The following LETM1 variants were observed in gnomAD, a reference collection of about 807,000 sequenced individuals.
LETM1 encodes the protein leucine zipper and EF-hand containing transmembrane protein 1, also known as mitochondrial proton/calcium exchanger protein.
LETM1 carries 50 observed loss-of-function variants against 74.5 expected under a neutral mutation model. That is an observed-to-expected ratio of 0.67 (90% CI 0.53 to 0.85). The LOEUF (loss-of-function observed/expected upper bound fraction) is 0.85, where lower values mean the gene tolerates loss of function less well. Ranked by LOEUF, LETM1 falls within the 40% of genes least tolerant of loss-of-function variation. The pLI, the probability that LETM1 is intolerant of heterozygous loss-of-function variation, is 0.00. For missense variants in LETM1, 824 were observed against 967.8 expected (o/e 0.85, Z 1.97); for synonymous variants, 446 against 407.1 (o/e 1.10, Z -1.15).
intron 1 of LETM1, among the ~76,000 whole-genome samples, chr4:1,855,244 G>C (rs1325132757): frequency 6.6e-6 from 1 of 152,212 alleles, no homozygotes; most frequent in African/African-American, 2.4e-5. Flanking sequence ...GTTAATTAGA[G>C]AGAGAGAGGA....
intron 11 of LETM1, among the ~76,000 whole-genome samples, chr4:1,818,977 G>C (rs566448601): frequency 6.6e-6 from 1 of 151,578 alleles, no homozygotes; most frequent in African/African-American, 2.4e-5. Flanking sequence ...TCATCCACTC[G>C]GGAGGCTGAG....
At chr4:1,815,071 T>G (rs974656069) in intron 13 of LETM1, among the ~76,000 whole-genome samples, 7 of 152,212 alleles carry the variant, frequency 4.6e-5, no homozygotes, top group Middle Eastern at 3.2e-3. Flanking sequence ...CGAGGCAGCT[T>G]CCCCTCAGAG....
chr4:1,849,416 C>T (rs544790072), intron 1 of LETM1, among the ~76,000 whole-genome samples: 1 of 152,188 alleles, frequency 6.6e-6, no homozygotes, highest in African/African-American at 2.4e-5. Flanking sequence ...AGGTGCCCAC[C>T]ACCATGCCCA....
At chr4:1,839,318 C>T (rs1219119488) in intron 3 of LETM1, 1 of 152,200 alleles carries the variant, frequency 6.6e-6, no homozygotes, top group Non-Finnish European at 1.5e-5. Context: ...ACGCGCAGCC[C>T]CTCCAGACAG....
intron 2 of LETM1, among the ~76,000 whole-genome samples, chr4:1,844,096 G>C (rs1474896259): frequency 6.6e-6 from 1 of 152,234 alleles, no homozygotes; most frequent in East Asian, 1.9e-4. Context: ...GACAGGCAAA[G>C]ACGAAGACTC....
rs545140089 is a variant in LETM1 at position 1,848,731 on chromosome 4, A to G, written c.143+418T>C. Among the ~76,000 whole-genome samples the G allele has an allele frequency of 2.7e-3, 410 of 150,730 alleles. 2 individuals are homozygous for G. The highest frequency in any genetic ancestry group is 9.3e-3 in the African/African-American group (384 of 41,168). Reference sequence around the variant, plus strand: ...GCTCTGTCTCAAAAAAAAAAAAAAAAAAAAAGAAAAAAAAAAAGTCGCAGT... The same window carrying G: ...GCTCTGTCTCAAAAAAAAAAAAAAAGAAAAAGAAAAAAAAAAAGTCGCAGT... On this transcript the variant is annotated intron_variant, in intron 2 of 13. Coordinates refer to ENST00000302787, the MANE Select transcript of LETM1 (RefSeq NM_012318.3).
intron 2 of LETM1, among the ~76,000 whole-genome samples, chr4:1,845,425 G>C (rs930380988): frequency 6.6e-6 from 1 of 152,120 alleles, no homozygotes; most frequent in Non-Finnish European, 1.5e-5. Context: ...GGCCAATGTG[G>C]TGAAAACTTT....
chr4:1,821,843 T>C (rs1711786978), intron 10 of LETM1, among the ~76,000 whole-genome samples: 1 of 152,158 alleles, frequency 6.6e-6, no homozygotes, highest in Non-Finnish European at 1.5e-5. Flanking sequence ...CACATTGGCT[T>C]CCACACCCCT....
chr4:1,814,356 G>A lies in LETM1; in HGVS notation c.*68C>T. 6.2e-7 allele frequency: 1 copy of A among 1,608,926 alleles called. No individual in the cohort carries two copies. The highest frequency in any genetic ancestry group is 8.5e-7 in the Non-Finnish European group (1 of 1,176,274). On this transcript the variant is annotated 3_prime_UTR_variant, in exon 14 of 14. Transcript: ENST00000302787. The stretch of plus-strand genomic sequence containing the variant: ...ATGAGCCACTGAGAATCACCACAAA[G>A]CAATCGCCCTCACGGCCCTTGCCAG...
At chr4:1,842,372 C>T (rs950901144) in intron 2 of LETM1, among the ~76,000 whole-genome samples, 4 of 152,216 alleles carry the variant, frequency 2.6e-5, no homozygotes, top group Non-Finnish European at 4.4e-5. Flanking sequence ...CCATCTCCTC[C>T]TCCTCTACCC....
Position 1,836,381 on chromosome 4 carries a change from T to C in LETM1, c.738+48A>G. ...GTCACAAACAAGGAAGCCATCACAA[T>C]GAATTTCAGACTCATTCTAAAACAA... On this transcript the variant is annotated intron_variant, in intron 4 of 13. Transcript: ENST00000302787. This position sits in a 1 kb window ranked among gnomAD's most constrained non-coding sequence, Gnocchi z 5.8. The C allele has an allele frequency of 6.3e-7, 1 of 1,595,364 alleles. No homozygotes were observed. The highest frequency in any genetic ancestry group is 8.6e-7 in the Non-Finnish European group (1 of 1,164,942).
chr4:1,835,216 G>T (rs1375137631), intron 4 of LETM1, among the ~76,000 whole-genome samples: 1 of 152,168 alleles, frequency 6.6e-6, no homozygotes, highest in Non-Finnish European at 1.5e-5. Context: ...AGGCCAAGGT[G>T]GGTGGATCAC....
At position 1,825,641 on chromosome 4, in the gene LETM1, G is replaced by C. The variant is rs749142541; in HGVS notation, c.1123C>G (p.Leu375Val). 6.2e-7 allele frequency: 1 copy of C among 1,614,036 alleles called. No individual in the cohort carries two copies. The highest frequency in any genetic ancestry group is 8.5e-7 in the Non-Finnish European group (1 of 1,179,946). ...CCTCGTGCCCGACACGCTGCCTGCA[G>C]CTCCTTGACATTCAGGCTGTCCACC... ...EGVDSLNVKELQAACRARGMR... is the reference protein window; with the variant it reads ...EGVDSLNVKEVQAACRARGMR... Residue 375 changes from leucine to valine, a missense_variant, in exon 7 of 14, where the codon CTG (leucine) becomes GTG (valine). Coordinates refer to ENST00000302787, the MANE Select transcript of LETM1 (RefSeq NM_012318.3).
At chr4:1,829,637 G>A (rs1028014659) in intron 6 of LETM1, among the ~76,000 whole-genome samples, 1 of 152,190 alleles carries the variant, frequency 6.6e-6, no homozygotes, top group Non-Finnish European at 1.5e-5. Context: ...CAGCCTAATA[G>A]TAAGACCTCA....
At chr4:1,847,723 C>A (rs1423090160) in intron 2 of LETM1, among the ~76,000 whole-genome samples, 1 of 150,406 alleles carries the variant, frequency 6.6e-6, no homozygotes, top group East Asian at 2.0e-4. Flanking sequence ...ACTAGGGAGG[C>A]TGAGGCAGGA....
intron 1 of LETM1, among the ~76,000 whole-genome samples, chr4:1,853,037 C>G (rs1303088972): frequency 6.6e-6 from 1 of 152,192 alleles, no homozygotes; most frequent in African/African-American, 2.4e-5. Flanking sequence ...TCTTCCCTGA[C>G]TTGAATACAC....
At chr4:1,844,889 A>T (rs1712825846) in intron 2 of LETM1, among the ~76,000 whole-genome samples, 1 of 142,038 alleles carries the variant, frequency 7.0e-6, no homozygotes, top group African/African-American at 3.0e-5. Flanking sequence ...CTCTACAGAA[A>T]AAAAAAAAAA....
chr4:1,845,015 C>A (rs1229938720), intron 2 of LETM1, among the ~76,000 whole-genome samples: 2 of 149,268 alleles, frequency 1.3e-5, no homozygotes, highest in Admixed American at 6.7e-5. Context: ...TATGGTGAAA[C>A]CCCGTCTTTA....
At chr4:1,818,295 A>T (rs1376402557) in intron 11 of LETM1, among the ~76,000 whole-genome samples, 3 of 152,186 alleles carry the variant, frequency 2.0e-5, no homozygotes, top group Non-Finnish European at 1.5e-5. Context: ...CATTCCCAAC[A>T]GAGCTATGAA....
Sources: gnomAD v4.1 joint callset for allele counts (sites outside exome capture counted in the v4.1 genomes callset) on GRCh38, gnomAD v4.1.1 for gene constraint, Gnocchi (gnomAD v3.1) non-coding constraint, MANE v1.5 for transcripts, NCBI Gene and HGNC (gene_info 2026-07-23, HGNC 2026-07-21) for gene names.